The following ALLC variants were observed in gnomAD, a reference collection of about 807,000 sequenced individuals.
ALLC encodes the protein allantoicase.
A neutral mutation model predicts 45.0 loss-of-function variants in ALLC; 40 were observed. That is an observed-to-expected ratio of 0.89 (90% CI 0.69 to 1.16). The LOEUF is 1.16. Ranked by LOEUF, ALLC falls within the 50% of genes most tolerant of loss-of-function variation. The pLI is 0.00. For missense variants in ALLC, 488 were observed against 493.1 expected (o/e 0.99, Z 0.10); for synonymous variants, 176 against 178.1 (o/e 0.99, Z 0.09).
At chr2:3,671,040 G>A (rs1310905185) in intron 1 of ALLC, 56 bp from the exon 2 acceptor site, 2 of 1,009,454 alleles carry the variant, frequency 2.0e-6, no homozygotes, top group East Asian at 5.2e-5. Flanking sequence ...GCCTAGACGG[G>A]GCCTCACTCA....
chr2:3,656,800 G>GGAGGGCAGGGGTCAGGGTGTT (rs1360888402), upstream of ALLC, among the ~76,000 whole-genome samples: 1 of 145,422 alleles, frequency 6.9e-6, no homozygotes, highest in African/African-American at 2.8e-5. Context: ...GTCAGGGTGT[G>GGAGGGCAGGGGTCAGGGTGTT]GAGGGCAGGG....
chr2:3,670,977 AT>A (rs1666853125), intron 1 of ALLC, 118 bp from the exon 2 acceptor site: 6 of 632,792 alleles, frequency 9.5e-6, no homozygotes. Context: ...TTGACAGTAC[AT>A]CCAGTTCTGT....
chr2:3,666,432 G>A (rs761431522), intron 1 of ALLC, among the ~76,000 whole-genome samples: 1 of 152,346 alleles, frequency 6.6e-6, no homozygotes, highest in Admixed American at 6.5e-5. Context: ...TGATGAAGGG[G>A]TGTGTGCAGG....
At chr2:3,671,867 G>A (rs1666884188) in intron 2 of ALLC, among the ~76,000 whole-genome samples, 1 of 140,340 alleles carries the variant, frequency 7.1e-6, no homozygotes. Flanking sequence ...TTAGATGGGA[G>A]GTCCTCTGGC....
At chr2:3,647,716 C>T in the ALLC span, among the ~76,000 whole-genome samples, 4 of 151,560 alleles carry the variant, frequency 2.6e-5, no homozygotes, top group Admixed American at 6.6e-5. Context: ...CTCCTGATGC[C>T]CCTGGGGGTA....
chr2:3,665,894 G>C (rs1334695633), intron 1 of ALLC, among the ~76,000 whole-genome samples: 2 of 152,126 alleles, frequency 1.3e-5, no homozygotes, highest in African/African-American at 2.4e-5. Context: ...CAGTGGGGTG[G>C]GGCTACACAG....
At chr2:3,650,138 A>G in the ALLC span, among the ~76,000 whole-genome samples, 1 of 152,224 alleles carries the variant, frequency 6.6e-6, no homozygotes, top group African/African-American at 2.4e-5. Context: ...CACTGGCTGC[A>G]CAGTGCCCTC....
intron 1 of ALLC, among the ~76,000 whole-genome samples, chr2:3,660,020 A>G (rs565328559): frequency 6.6e-6 from 1 of 152,160 alleles, no homozygotes; most frequent in African/African-American, 2.4e-5. Context: ...GTGGGGTGCT[A>G]TGGTTTGGAT....
At chr2:3,670,998 A>C in intron 1 of ALLC, 98 bp from the exon 2 acceptor site, 1 of 686,706 alleles carries the variant, frequency 1.5e-6, no homozygotes, top group South Asian at 1.8e-5. Context: ...TCACTGCCTG[A>C]CTTTTGAAAG....
At chr2:3,685,188 A>G (rs1436101375) in intron 7 of ALLC, among the ~76,000 whole-genome samples, 1 of 152,200 alleles carries the variant, frequency 6.6e-6, no homozygotes, top group Non-Finnish European at 1.5e-5. Flanking sequence ...CCAATAGTGT[A>G]CATGGGCTTC....
chr2:3,649,713 C>T, the ALLC span, among the ~76,000 whole-genome samples: 8 of 152,256 alleles, frequency 5.3e-5, no homozygotes, highest in South Asian at 2.1e-4. Context: ...CTGGAGAGGA[C>T]GCTGTCCCAT....
intron 10 of ALLC, among the ~76,000 whole-genome samples, chr2:3,700,843 C>T (rs746924992): frequency 2.0e-5 from 3 of 152,166 alleles, no homozygotes; most frequent in Non-Finnish European, 4.4e-5. Flanking sequence ...TCCTCTTTTC[C>T]AGGGTTCTTG....
At chr2:3,652,023 A>G in the ALLC span, among the ~76,000 whole-genome samples, 3 of 152,204 alleles carry the variant, frequency 2.0e-5, no homozygotes, top group African/African-American at 7.2e-5. Context: ...CACGTTTCTT[A>G]GTTGCAAGCA....
chr2:3,668,728 A>G (rs921155452), intron 1 of ALLC, among the ~76,000 whole-genome samples: 1 of 151,444 alleles, frequency 6.6e-6, no homozygotes, highest in Non-Finnish European at 1.5e-5. Context: ...GACACCTGCC[A>G]CCACGCCTGG....
chr2:3,653,024 G>A, the ALLC span, among the ~76,000 whole-genome samples: 12 of 152,354 alleles, frequency 7.9e-5, no homozygotes, highest in African/African-American at 2.9e-4. The surrounding 1 kb of genome is among the most constrained non-coding windows in gnomAD (Gnocchi z 4.1). Flanking sequence ...CTGGTGGGGT[G>A]GCTGGTCTCC....
the ALLC span, among the ~76,000 whole-genome samples, chr2:3,648,761 C>T: frequency 3.9e-5 from 6 of 152,200 alleles, no homozygotes; most frequent in Non-Finnish European, 8.8e-5. Flanking sequence ...AGACGGCCGC[C>T]TCTTCCACCA....
At chr2:3,650,911 C>G in the ALLC span, among the ~76,000 whole-genome samples, 2 of 152,224 alleles carry the variant, frequency 1.3e-5, no homozygotes, top group Admixed American at 6.5e-5. Context: ...GCTATAAACA[C>G]TGGGCCTGAA....
intron 2 of ALLC, among the ~76,000 whole-genome samples, chr2:3,672,831 G>C (rs890823941): frequency 2.0e-5 from 3 of 152,248 alleles, no homozygotes; most frequent in African/African-American, 7.2e-5. Context: ...TGTAATGAGG[G>C]TCACCTGGAG....
intron 1 of ALLC, among the ~76,000 whole-genome samples, chr2:3,669,063 A>G (rs1666798953): frequency 6.6e-6 from 1 of 152,068 alleles, no homozygotes; most frequent in Non-Finnish European, 1.5e-5. Flanking sequence ...CCGGCCAGGC[A>G]CAGTGGCTCA....
Sources: allele counts gnomAD v4.1 joint callset (sites outside exome capture counted in the v4.1 genomes callset), GRCh38; gene constraint gnomAD v4.1.1; non-coding constraint Gnocchi (gnomAD v3.1); transcripts MANE v1.5; gene names NCBI Gene and HGNC (gene_info 2026-07-23, HGNC 2026-07-21).